CAGE1: variants seen among roughly 807,000 people sequenced by gnomAD.
CAGE1 encodes cancer antigen 1, also known as cancer-associated gene 1 protein.
A neutral mutation model predicts 94.9 loss-of-function variants in CAGE1; 66 were observed. The observed-to-expected ratio is 0.70, with a 90% CI of 0.57 to 0.85. The LOEUF is 0.85. CAGE1 is among the 40% of genes least tolerant of loss of function. The probability of loss-of-function intolerance (pLI) is 0.00; values close to 1 mark genes in which losing one functional copy is unlikely to be tolerated. For synonymous variants in CAGE1, 319 were observed against 321.0 expected, an observed-to-expected ratio of 0.99 and a Z score of 0.07; for missense variants, 865 against 950.4, an observed-to-expected ratio of 0.91 and a Z score of 1.18.
chr6:7,340,937 C>T (rs1759147443), intron 11 of CAGE1: 5 of 419,862 alleles, frequency 1.2e-5, no homozygotes, highest in South Asian at 1.0e-4. Context: ...ACCGGCCTGG[C>T]TCCTTATACA....
intron 11 of CAGE1, among the ~76,000 whole-genome samples, chr6:7,349,277 T>C (rs944237123): frequency 6.6e-6 from 1 of 152,134 alleles, no homozygotes; most frequent in Admixed American, 6.5e-5. Context: ...ACCAAAACAA[T>C]TATCAGCTAG....
intron 11 of CAGE1, among the ~76,000 whole-genome samples, chr6:7,346,058 T>TCA (rs1233761086): frequency 1.3e-5 from 2 of 152,230 alleles, no homozygotes; most frequent in Non-Finnish European, 2.9e-5. Flanking sequence ...GTGTATTTGA[T>TCA]AATTTTTTTT....
At chr6:7,332,633 A>G (rs867683355) in intron 12 of CAGE1, among the ~76,000 whole-genome samples, 1 of 152,288 alleles carries the variant, frequency 6.6e-6, no homozygotes, top group Middle Eastern at 3.4e-3. Context: ...ACACGTTTCA[A>G]AGCTCTTTAG....
intron 6 of CAGE1, 31 bp downstream of exon 6, chr6:7,369,888 A>T: frequency 6.4e-7 from 1 of 1,569,630 alleles, no homozygotes; most frequent in Non-Finnish European, 8.6e-7. Context: ...TTCCTCCCCT[A>T]CTAAAATATC....
At chr6:7,347,067 G>A (rs920944424) in intron 11 of CAGE1, among the ~76,000 whole-genome samples, 1 of 152,030 alleles carries the variant, frequency 6.6e-6, no homozygotes, top group Non-Finnish European at 1.5e-5. Flanking sequence ...AAATAACTGG[G>A]GCAATCCTCA....
In CAGE1 at chr6:7,387,155, T is replaced by C. The variant is rs891676924; in HGVS notation, c.19A>G (p.Lys7Glu). 3.9e-6 allele frequency: 6 copies of C among 1,551,120 alleles called. No individual in the cohort carries two copies. In the African/African-American group the frequency reaches 8.2e-5, roughly 21 times the overall value. MNKDYQ[K>E]FWSSPSDPVH... ...GGATCTGAAGGTGATGACCAAAATTTTTGATAGTCCTTGTTCATAACTGTT... is the reference window on the plus strand; with the variant it reads ...GGATCTGAAGGTGATGACCAAAATTCTTGATAGTCCTTGTTCATAACTGTT... The change falls in exon 2 of 14, where the codon AAA becomes GAA. Residue 7 changes from lysine (K) to glutamate (E), a missense_variant. Lys to Glu is a moderately conservative substitution (Grantham distance 56, BLOSUM62 1). Coordinates refer to ENST00000502583, the MANE Select transcript of CAGE1 (RefSeq NM_001170692.2).
intron 5 of CAGE1, 131 bp downstream of exon 5, chr6:7,372,942 T>A: frequency 1.4e-6 from 1 of 701,362 alleles, no homozygotes; most frequent in South Asian, 2.2e-5. Flanking sequence ...CCTCCCAAAG[T>A]GCCGAGATCT....
intron 9 of CAGE1, among the ~76,000 whole-genome samples, chr6:7,358,884 A>G (rs1275407714): frequency 1.1e-4 from 17 of 152,218 alleles, no homozygotes; most frequent in Admixed American, 8.5e-4. Flanking sequence ...TTTTAAAGCC[A>G]TCGCCAAAAT....
chr6:7,341,231 T>C, intron 11 of CAGE1: 1 of 678,536 alleles, frequency 1.5e-6, no homozygotes, highest in South Asian at 1.4e-5. Flanking sequence ...CCAGAGATAC[T>C]GTGGAGGTAG....
intron 2 of CAGE1, among the ~76,000 whole-genome samples, chr6:7,386,759 A>G (rs921537473): frequency 2.0e-5 from 3 of 152,118 alleles, no homozygotes; most frequent in Non-Finnish European, 4.4e-5. Flanking sequence ...GCTAATTTTT[A>G]TATTTTTAGC....
Position 7,326,668 on chromosome 6 carries a change from A to AATAGAATATATTTGATT in CAGE1, c.*173_*189dup. 8.6e-6 allele frequency: 5 copies of AATAGAATATATTTGATT among 578,938 alleles called. No individual in the cohort carries two copies. Among genetic ancestry groups the AATAGAATATATTTGATT allele is most frequent in the Non-Finnish European group, 1.2e-5 (4 of 326,144 alleles). 35.9% of individuals were successfully genotyped at this position (578,938 alleles called of 1,614,324 possible). On this transcript the variant is annotated 3_prime_UTR_variant, in exon 14 of 14. Transcript: ENST00000502583. Reference sequence around the variant, plus strand: ...CCACTGTATTCTTCTGTTTATGTTAAATAGAATATATTTGATTATTCACAG... The same window carrying AATAGAATATATTTGATT: ...CCACTGTATTCTTCTGTTTATGTTAAATAGAATATATTTGATTATAGAATATATTTGATTATTCACAG...
At chr6:7,352,317 A>AAAAAAAAAAAACCTAAC (rs1759810307) in intron 11 of CAGE1, among the ~76,000 whole-genome samples, 1 of 89,670 alleles carries the variant, frequency 1.1e-5, no homozygotes, top group Non-Finnish European at 2.0e-5. Context: ...AAAAAAAAAC[A>AAAAAAAAAAAACCTAAC]AAAAAAAAAA....
chr6:7,365,617 A>G (rs1420796823), intron 8 of CAGE1, 42 bp from the exon 9 acceptor site: 1 of 1,565,722 alleles, frequency 6.4e-7, no homozygotes, highest in South Asian at 1.2e-5. Context: ...ATCATTTCAT[A>G]CTCCTTGGAA....
chr6:7,362,846 CATT>C lies in CAGE1; in HGVS notation c.2193+2619_2193+2621del, dbSNP rs1457461441. 1.5e-4 allele frequency among the ~76,000 whole-genome samples: 23 copies of C among 152,156 alleles called. No individual in the cohort carries two copies. The highest frequency in any genetic ancestry group is 5.6e-4 in the African/African-American group (23 of 41,430). ...AACTTCAACAATTATCAACATTTTC[CATT>C]ACTGTTTTATCTTTCTCCAACCCTG... is the stretch of plus-strand genomic sequence containing the variant. On this transcript the variant is annotated intron_variant, in intron 9 of 13. Transcript: ENST00000502583. The surrounding 1 kb of genome is among the most constrained non-coding windows in gnomAD (Gnocchi z 4.1).
At chr6:7,341,184 G>A (rs1759160771) in intron 11 of CAGE1, 2 of 623,338 alleles carry the variant, frequency 3.2e-6, no homozygotes, top group Admixed American at 4.0e-5. Flanking sequence ...TCCATTCTGT[G>A]TTCTGGAGCA....
chr6:7,370,096 T>C, intron 5 of CAGE1, 31 bp from the exon 6 acceptor site: 1 of 1,516,346 alleles, frequency 6.6e-7, no homozygotes. Context: ...TTTGTCAAAA[T>C]AATGATGAAG....
intron 11 of CAGE1, among the ~76,000 whole-genome samples, chr6:7,349,932 C>CAAAAA (rs761682237): frequency 1.3e-5 from 1 of 77,662 alleles, no homozygotes. Flanking sequence ...ACACTTGTCT[C>CAAAAA]AAAAAAAAAA....
chr6:7,346,901 C>T (rs577040068), intron 11 of CAGE1, among the ~76,000 whole-genome samples: 5 of 152,164 alleles, frequency 3.3e-5, no homozygotes, highest in South Asian at 4.1e-4. Context: ...AATAAGCAGC[C>T]ACAGTTGACA....
At chr6:7,368,396 A>G (rs1175637749) in intron 7 of CAGE1, among the ~76,000 whole-genome samples, 1 of 152,138 alleles carries the variant, frequency 6.6e-6, no homozygotes, top group Admixed American at 6.5e-5. Flanking sequence ...AAATCACTAT[A>G]GGAAAGTCAA....
Sources: gnomAD v4.1 joint callset for allele counts (sites outside exome capture counted in the v4.1 genomes callset) on GRCh38, gnomAD v4.1.1 for gene constraint, Gnocchi (gnomAD v3.1) non-coding constraint, MANE v1.5 for transcripts, NCBI Gene and HGNC (gene_info 2026-07-23, HGNC 2026-07-21) for gene names.